DMD: variants seen among roughly 807,000 people sequenced by gnomAD.
DMD encodes the protein mutant dystrophin.
A neutral mutation model predicts 330.1 loss-of-function variants in DMD; 63 were observed. The observed-to-expected ratio is 0.19, with a 90% CI of 0.16 to 0.24. DMD has a LOEUF of 0.24. Among genes scored for constraint, DMD ranks in the 10% least tolerant of loss-of-function variants. The pLI is 1.00. For missense variants in DMD, 3,344 were observed against 2,684.1 expected, an observed-to-expected ratio of 1.25 and a Z score of -5.43; for synonymous variants, 1,223 against 959.8, an observed-to-expected ratio of 1.27 and a Z score of -5.07.
intron 2 of DMD, among the ~76,000 whole-genome samples, chrX:32,975,448 A>G (rs924547157): frequency 3.0e-4 from 31 of 102,184 alleles, no homozygotes; most frequent in African/African-American, 1.0e-3. Flanking sequence ...GGAAGCTGAG[A>G]GGCTGAAGCA....
intron 16 of DMD, among the ~76,000 whole-genome samples, chrX:32,548,627 G>C (rs1235182079): frequency 9.0e-6 from 1 of 111,727 alleles, no homozygotes; most frequent in Non-Finnish European, 1.9e-5. Flanking sequence ...ATTTTTGACA[G>C]AGAAAGTAGA....
intron 52 of DMD, among the ~76,000 whole-genome samples, chrX:31,694,077 G>C (rs1460679439): frequency 9.0e-6 from 1 of 111,062 alleles, no homozygotes. Context: ...AATGGAATAA[G>C]ACAAAGAGGA....
chrX:31,564,034 G>T (rs181486067), intron 55 of DMD, among the ~76,000 whole-genome samples: 1 of 110,842 alleles, frequency 9.0e-6, no homozygotes, highest in East Asian at 2.8e-4. Context: ...GTACACAGGG[G>T]GCATGCCATG....
chrX:31,642,570 T>C (rs2079833539), intron 54 of DMD, among the ~76,000 whole-genome samples: 1 of 112,330 alleles, frequency 8.9e-6, no homozygotes, highest in South Asian at 3.7e-4. Flanking sequence ...AAAAATCCCA[T>C]ACAAGTTGTC....
At chrX:31,743,180 A>C (rs2087508722) in intron 51 of DMD, among the ~76,000 whole-genome samples, 2 of 112,292 alleles carry the variant, frequency 1.8e-5, no homozygotes, top group South Asian at 7.4e-4. Context: ...GGCTATTATT[A>C]AAAAGTCAAA....
intron 40 of DMD, 78 bp downstream of exon 40, chrX:32,343,056 A>G (rs1160571654): frequency 3.0e-6 from 3 of 1,012,322 alleles, no homozygotes; most frequent in African/African-American, 1.9e-5. Flanking sequence ...CAAGAACATC[A>G]ACATTTTAAA....
At chrX:32,069,613 A>G (rs1033978706) in intron 44 of DMD, among the ~76,000 whole-genome samples, 3 of 111,994 alleles carry the variant, frequency 2.7e-5, no homozygotes, top group Admixed American at 1.9e-4. Context: ...AGAAATTTCA[A>G]TGAAGCATTT....
intron 62 of DMD, among the ~76,000 whole-genome samples, chrX:31,264,106 A>G (rs1236637508): frequency 2.7e-5 from 3 of 112,353 alleles, no homozygotes; most frequent in African/African-American, 9.7e-5. Context: ...CTTGAAGGAC[A>G]AACCACATTT....
chrX:31,346,067 G>C (rs1339953349), intron 61 of DMD, among the ~76,000 whole-genome samples: 1 of 110,874 alleles, frequency 9.0e-6, no homozygotes, highest in Non-Finnish European at 1.9e-5. Context: ...GAAAAGAAAG[G>C]AAATGATCAG....
At chrX:32,796,463 AG>A (rs2076187227) in intron 7 of DMD, among the ~76,000 whole-genome samples, 1 of 111,520 alleles carries the variant, frequency 9.0e-6, no homozygotes, top group African/African-American at 3.3e-5. Context: ...TAGGAAGGGT[AG>A]GAAGGGAATA....
rs1182879690 is a variant in DMD, at chrX:32,832,035, C to G, written c.265-8648G>C. Among the ~76,000 whole-genome samples, 4 of 110,986 alleles carry G rather than the reference C, an allele frequency of 3.6e-5. No individual in the cohort carries two copies. In the East Asian group the frequency reaches 1.1e-3, roughly 31 times the overall value. On this transcript the variant is annotated intron_variant, in intron 4 of 78. Coordinates refer to ENST00000357033, the MANE Select transcript of DMD (RefSeq NM_004006.3). ...GAAATTAGACTAAAGCAGGTCGTTT[C>G]TCACATTTGTTTCAAAGGAATTGGT...
chrX:32,521,725 G>C (rs1190888646), intron 17 of DMD, among the ~76,000 whole-genome samples: 2 of 112,133 alleles, frequency 1.8e-5, no homozygotes, highest in African/African-American at 6.5e-5. Context: ...TACTCTATCA[G>C]TATTCCCCAG....
chrX:31,873,329 C>T (rs931953622), intron 48 of DMD, among the ~76,000 whole-genome samples: 1 of 111,211 alleles, frequency 9.0e-6, no homozygotes, highest in African/African-American at 3.3e-5. Context: ...TAAACATAGT[C>T]GAGAACATTT....
chrX:32,315,166 A>G (rs1483982192), intron 41 of DMD, among the ~76,000 whole-genome samples: 1 of 112,096 alleles, frequency 8.9e-6, no homozygotes, highest in Non-Finnish European at 1.9e-5. Context: ...AGACTGGATA[A>G]AGAAAATTGA....
intron 2 of DMD, among the ~76,000 whole-genome samples, chrX:32,993,245 C>T (rs1231530583): frequency 8.9e-6 from 1 of 112,012 alleles, no homozygotes; most frequent in Non-Finnish European, 1.9e-5. Flanking sequence ...GCTCTTCAAG[C>T]TATAGGTCAA....
At chrX:31,993,777 T>A (rs1646957466) in intron 44 of DMD, among the ~76,000 whole-genome samples, 1 of 112,014 alleles carries the variant, frequency 8.9e-6, no homozygotes, top group South Asian at 3.7e-4. Context: ...AATGTAACTG[T>A]GTCTCAAAAG....
At chrX:31,896,036 C>T (rs1394426105) in intron 47 of DMD, among the ~76,000 whole-genome samples, 1 of 111,804 alleles carries the variant, frequency 8.9e-6, no homozygotes, top group African/African-American at 3.2e-5. Context: ...GATTTATTTG[C>T]AAGCTACTTC....
At chrX:32,823,443 A>G (rs1253112596) in intron 4 of DMD, 56 bp from the exon 5 acceptor site, 1 of 698,368 alleles carries the variant, frequency 1.4e-6, no homozygotes, top group South Asian at 2.4e-5. Context: ...CCTAGTTGCA[A>G]TAATAATAAT....
At chrX:32,556,377 T>A (rs775748321) in intron 16 of DMD, among the ~76,000 whole-genome samples, 50 of 111,375 alleles carry the variant, frequency 4.5e-4, no homozygotes, top group Non-Finnish European at 1.7e-4. Flanking sequence ...GAGTGTAAAT[T>A]AGTTCAACCC....
Sources: allele counts gnomAD v4.1 joint callset (sites outside exome capture counted in the v4.1 genomes callset), GRCh38; gene constraint gnomAD v4.1.1; transcripts MANE v1.5; gene names NCBI Gene and HGNC (gene_info 2026-07-23, HGNC 2026-07-21).